Variants in NKD1 observed in about 807,000 individuals in gnomAD.
The protein encoded by NKD1 is protein naked cuticle homolog 1.
Under a neutral mutation model 56.0 loss-of-function variants are expected in NKD1, and 21 were observed. That is an observed-to-expected ratio of 0.38 (90% CI 0.27 to 0.54). The LOEUF is 0.54. NKD1 is among the 20% of genes least tolerant of loss of function. The pLI is 0.82. For missense variants in NKD1, 578 were observed against 642.7 expected, an observed-to-expected ratio of 0.90 and a Z score of 1.09; for synonymous variants, 263 against 265.7, an observed-to-expected ratio of 0.99 and a Z score of 0.10.
At position 50,647,669 on chromosome 16, in the gene NKD1, G is replaced by A. The variant is rs1024005532; in HGVS notation, c.*13888G>A. On this transcript the variant is annotated 3_prime_UTR_variant, in exon 10 of 10. Transcript: ENST00000268459. The stretch of plus-strand genomic sequence containing the variant: ...CCATCCTTGTCAGTCATTGGTCAAG[G>A]GCTATTTCTGTGCATAGGCATAGGC... 2.0e-5 allele frequency: 3 copies of A among 152,206 alleles called. No individual in the cohort carries two copies. Among genetic ancestry groups the A allele is most frequent in the African/African-American group, 4.8e-5 (2 of 41,446 alleles). 9.4% of individuals were successfully genotyped at this position (152,206 alleles called of 1,614,324 possible). A position where few individuals can be genotyped will look rare whatever the true frequency, so the allele number is the denominator to read the frequency against.
At position 50,647,079 on chromosome 16, in the gene NKD1, T is replaced by C. The variant is rs1185029589; in HGVS notation, c.*13298T>C. 1 of 152,252 alleles carries C rather than the reference T, an allele frequency of 6.6e-6. No homozygotes were observed. Among genetic ancestry groups the C allele is most frequent in the Non-Finnish European group, 1.5e-5 (1 of 68,038 alleles). The allele number at this position is 152,252 out of a possible 1,614,324, so 9.4% of individuals were successfully genotyped here. Reference sequence around the variant, plus strand: ...TGGCAAGCAGCATCAACCAGCTCTTTCTTTTCACTATATTACATATCTACA... The same window carrying C: ...TGGCAAGCAGCATCAACCAGCTCTTCCTTTTCACTATATTACATATCTACA... On this transcript the variant is annotated 3_prime_UTR_variant, in exon 10 of 10. Coordinates refer to ENST00000268459, the MANE Select transcript of NKD1 (RefSeq NM_033119.5).
At chr16:50,579,336 C>T (rs1355040117) in intron 3 of NKD1, among the ~76,000 whole-genome samples, 3 of 148,398 alleles carry the variant, frequency 2.0e-5, no homozygotes, top group African/African-American at 5.0e-5. Flanking sequence ...TCTAACCCAC[C>T]ACGCATGCAC....
intron 4 of NKD1, among the ~76,000 whole-genome samples, chr16:50,611,727 G>T (rs759516717): frequency 1.3e-5 from 2 of 152,180 alleles, no homozygotes; most frequent in Non-Finnish European, 2.9e-5. Flanking sequence ...TCGCAGCTCA[G>T]ACCCCATTCC....
At chr16:50,549,268 G>T (rs889014649) in intron 2 of NKD1, among the ~76,000 whole-genome samples, 154 bp from the exon 3 acceptor site, 12 of 150,222 alleles carry the variant, frequency 8.0e-5, no homozygotes, top group African/African-American at 2.5e-4. Context: ...ACTTACCCGC[G>T]TCCCTCTCTT....
At chr16:50,599,249 G>A (rs755144910) in intron 3 of NKD1, among the ~76,000 whole-genome samples, 7 of 152,104 alleles carry the variant, frequency 4.6e-5, no homozygotes, top group Non-Finnish European at 1.0e-4. Context: ...GCTGTGACTT[G>A]GGACACGCTA....
intron 3 of NKD1, chr16:50,571,658 A>G (rs116544832): frequency 5.8e-6 from 2 of 342,064 alleles, no homozygotes; most frequent in African/African-American, 2.2e-5. Context: ...CCTTTCGTCA[A>G]TCTATGACTC....
At chr16:50,628,895 C>G (rs1962280676) in intron 6 of NKD1, among the ~76,000 whole-genome samples, 1 of 151,932 alleles carries the variant, frequency 6.6e-6, no homozygotes, top group Admixed American at 6.5e-5. Context: ...TCCTGGCTTG[C>G]AGACGGCCAC....
intron 3 of NKD1, among the ~76,000 whole-genome samples, chr16:50,568,954 A>G (rs1034376298): frequency 2.0e-5 from 3 of 152,026 alleles, no homozygotes; most frequent in African/African-American, 7.2e-5. Flanking sequence ...TCTGACCATA[A>G]TCCCTTTAAG....
chr16:50,577,240 T>G (rs1961012024), intron 3 of NKD1, among the ~76,000 whole-genome samples: 1 of 152,114 alleles, frequency 6.6e-6, no homozygotes, highest in African/African-American at 2.4e-5. Context: ...AGCGGAGGGT[T>G]GTTGGGTGGG....
intron 3 of NKD1, among the ~76,000 whole-genome samples, chr16:50,572,101 G>C (rs572864916): frequency 1.1e-3 from 165 of 152,282 alleles, no homozygotes; most frequent in African/African-American, 3.8e-3. Context: ...GCTCTCACAT[G>C]TGCCTTGGAG....
At chr16:50,581,146 G>C (rs1961107441) in intron 3 of NKD1, among the ~76,000 whole-genome samples, 1 of 152,132 alleles carries the variant, frequency 6.6e-6, no homozygotes, top group Non-Finnish European at 1.5e-5. Context: ...TGCGGTATCT[G>C]CCCTGTACTG....
At chr16:50,562,327 G>GGTGC in intron 3 of NKD1, 1 of 956,938 alleles carries the variant, frequency 1.0e-6, no homozygotes, top group Non-Finnish European at 1.2e-6. Flanking sequence ...CAGGTGCATA[G>GGTGC]AGAAAGATCT....
chr16:50,567,554 C>T (rs1210550381), intron 3 of NKD1, among the ~76,000 whole-genome samples: 1 of 152,196 alleles, frequency 6.6e-6, no homozygotes, highest in East Asian at 1.9e-4. Flanking sequence ...GCCTTTTACA[C>T]TCTGATCTCG....
At chr16:50,570,788 A>G (rs778185831) in intron 3 of NKD1, 108 of 984,834 alleles carry the variant, frequency 1.1e-4, no homozygotes, top group Non-Finnish European at 1.2e-4. Context: ...TGGAGTGACC[A>G]TGTCTATTAG....
intron 3 of NKD1, among the ~76,000 whole-genome samples, chr16:50,554,591 C>A (rs746475402): frequency 1.3e-5 from 2 of 152,058 alleles, no homozygotes; most frequent in Non-Finnish European, 2.9e-5. Context: ...TTTAGGCACT[C>A]AGCTTAATGA....
intron 3 of NKD1, among the ~76,000 whole-genome samples, chr16:50,604,396 G>A (rs894832378): frequency 2.6e-5 from 4 of 152,210 alleles, no homozygotes; most frequent in African/African-American, 9.7e-5. Flanking sequence ...GAGGGCACCT[G>A]GGGTCTGGCG....
chr16:50,633,365 C>G lies in NKD1; in HGVS notation c.997C>G (p.Gln333Glu). The G allele has an allele frequency of 6.2e-7, 1 of 1,614,152 alleles. No homozygotes were observed. Among genetic ancestry groups the G allele is most frequent in the Non-Finnish European group, 8.5e-7 (1 of 1,179,996 alleles). The change falls in exon 10 of 10, where the codon CAA (glutamine) becomes GAA (glutamate). Residue 333 changes from glutamine to glutamate, a missense_variant. Transcript: ENST00000268459. This position sits in a 1 kb window ranked among gnomAD's most constrained non-coding sequence, Gnocchi z 4.9. ...AATCGCCAAGGTCTCAGAGCTCCAG[C>G]AACGGCTCCGGGGCACCCAGGACGG... ...TPIAKVSELQ[Q>E]RLRGTQDGSK...
At chr16:50,562,200 G>A in intron 3 of NKD1, 1 of 485,706 alleles carries the variant, frequency 2.1e-6, no homozygotes. Context: ...TTGCTGACAG[G>A]AAAGAGACCC....
rs1012017355 is a variant in NKD1, at chr16:50,644,194, G to A, written c.*10413G>A. 5.3e-5 allele frequency: 8 copies of A among 152,228 alleles called. No homozygotes were observed. Among genetic ancestry groups the A allele is most frequent in the African/African-American group, 1.4e-4 (6 of 41,456 alleles). 9.4% of individuals were successfully genotyped at this position (152,228 alleles called of 1,614,324 possible). On this transcript the variant is annotated 3_prime_UTR_variant, in exon 10 of 10. Transcript: ENST00000268459. ...CAAATTTTAGTGAATAGGCAATTTCGTAAATACAGAATCCACGGAGGGTGA... is the reference window on the plus strand; with the variant it reads ...CAAATTTTAGTGAATAGGCAATTTCATAAATACAGAATCCACGGAGGGTGA...
Sources: allele counts gnomAD v4.1 joint callset (sites outside exome capture counted in the v4.1 genomes callset), GRCh38; gene constraint gnomAD v4.1.1; non-coding constraint Gnocchi (gnomAD v3.1); transcripts MANE v1.5; gene names NCBI Gene and HGNC (gene_info 2026-07-23, HGNC 2026-07-21).